LRMDA: variants seen among roughly 807,000 people sequenced by gnomAD.
The protein encoded by LRMDA is leucine rich melanocyte differentiation associated, also known as leucine-rich melanocyte differentiation-associated protein.
Under a neutral mutation model 29.8 loss-of-function variants are expected in LRMDA, and 18 were observed. The observed-to-expected ratio is 0.60, with a 90% CI of 0.42 to 0.90. LRMDA has a LOEUF of 0.90. LRMDA is among the 40% of genes least tolerant of loss of function. The probability of loss-of-function intolerance (pLI) is 0.00; values close to 1 mark genes in which losing one functional copy is unlikely to be tolerated. For missense variants in LRMDA, 273 were observed against 273.9 expected (o/e 1.00, Z 0.02); for synonymous variants, 125 against 109.4 (o/e 1.14, Z -0.89).
At chr10:75,910,791 A>G (rs1845829500) in intron 2 of LRMDA, among the ~76,000 whole-genome samples, 1 of 152,206 alleles carries the variant, frequency 6.6e-6, no homozygotes, top group African/African-American at 2.4e-5. Flanking sequence ...TCTCTACCAG[A>G]TACCGAGGTG....
chr10:75,722,628 C>T (rs1589171037), intron 2 of LRMDA, among the ~76,000 whole-genome samples: 1 of 152,122 alleles, frequency 6.6e-6, no homozygotes, highest in Middle Eastern at 3.2e-3. Flanking sequence ...AAATCTGACT[C>T]TGTATGGTAG....
At chr10:76,118,304 C>T (rs1849701581) in intron 5 of LRMDA, among the ~76,000 whole-genome samples, 1 of 152,164 alleles carries the variant, frequency 6.6e-6, no homozygotes, top group Non-Finnish European at 1.5e-5. Flanking sequence ...AGAATCACAT[C>T]TCACCTTAAG....
At chr10:75,940,470 G>A (rs1399341857) in intron 2 of LRMDA, among the ~76,000 whole-genome samples, 1 of 152,088 alleles carries the variant, frequency 6.6e-6, no homozygotes, top group East Asian at 1.9e-4. Flanking sequence ...GTAAAAAGCC[G>A]TGCCTTCCAC....
intron 2 of LRMDA, among the ~76,000 whole-genome samples, chr10:76,011,518 C>T (rs1270878360): frequency 6.6e-6 from 1 of 152,166 alleles, no homozygotes; most frequent in Non-Finnish European, 1.5e-5. Context: ...TCAGTTCCTC[C>T]ATGTGACTAG....
chr10:75,706,844 A>G (rs1312189189), intron 2 of LRMDA, among the ~76,000 whole-genome samples: 2 of 150,062 alleles, frequency 1.3e-5, no homozygotes, highest in East Asian at 3.9e-4. Context: ...CCTGCCATGC[A>G]CCCTTTGTCT....
intron 2 of LRMDA, among the ~76,000 whole-genome samples, chr10:75,477,730 C>T (rs1844812987): frequency 6.6e-6 from 1 of 152,200 alleles, no homozygotes; most frequent in Admixed American, 6.5e-5. Flanking sequence ...CCTGCTGTTC[C>T]CACCACAAGC....
intron 5 of LRMDA, among the ~76,000 whole-genome samples, chr10:76,189,745 G>A (rs1851213026): frequency 6.6e-6 from 1 of 152,114 alleles, no homozygotes; most frequent in African/African-American, 2.4e-5. Context: ...GTGACCCAGG[G>A]CCCTTCAGCA....
intron 5 of LRMDA, among the ~76,000 whole-genome samples, chr10:76,273,262 C>T (rs1350137357): frequency 1.3e-5 from 2 of 152,128 alleles, no homozygotes; most frequent in Non-Finnish European, 2.9e-5. Context: ...TAGTATTTAC[C>T]ATTAGATCTA....
intron 2 of LRMDA, among the ~76,000 whole-genome samples, chr10:75,625,434 A>G (rs572844706): frequency 6.6e-5 from 10 of 152,184 alleles, no homozygotes; most frequent in Admixed American, 2.6e-4. Context: ...TATGCACTGT[A>G]CTGCATCTCA....
At chr10:76,399,990 C>T (rs1318545257) in intron 6 of LRMDA, among the ~76,000 whole-genome samples, 1 of 152,202 alleles carries the variant, frequency 6.6e-6, no homozygotes, top group Non-Finnish European at 1.5e-5. Context: ...ATCTCCTCCC[C>T]TTATGTGTGG....
At chr10:75,683,288 C>G (rs1462711406) in intron 2 of LRMDA, among the ~76,000 whole-genome samples, 1 of 152,158 alleles carries the variant, frequency 6.6e-6, no homozygotes, top group Non-Finnish European at 1.5e-5. Context: ...TCACAGAGCA[C>G]AAAGGGAAAC....
intron 2 of LRMDA, among the ~76,000 whole-genome samples, chr10:75,950,263 A>G (rs950286483): frequency 6.6e-6 from 1 of 152,172 alleles, no homozygotes; most frequent in East Asian, 1.9e-4. Flanking sequence ...CCCAGGGCCA[A>G]TGGCACTCAT....
intron 2 of LRMDA, among the ~76,000 whole-genome samples, chr10:75,583,711 C>T (rs903790682): frequency 2.6e-5 from 4 of 152,042 alleles, no homozygotes; most frequent in Non-Finnish European, 5.9e-5. Context: ...GTATTTTTTT[C>T]AATTGCTGTC....
At chr10:76,349,325 T>A (rs1295219286) in intron 6 of LRMDA, among the ~76,000 whole-genome samples, 1 of 152,152 alleles carries the variant, frequency 6.6e-6, no homozygotes, top group African/African-American at 2.4e-5. Flanking sequence ...TGGGGTTGGC[T>A]GTGTTCCAAT....
At chr10:76,016,567 T>C (rs1372086136) in intron 2 of LRMDA, among the ~76,000 whole-genome samples, 1 of 152,226 alleles carries the variant, frequency 6.6e-6, no homozygotes, top group African/African-American at 2.4e-5. Flanking sequence ...GACATCATCA[T>C]TGGGACTGAG....
At chr10:75,639,804 G>T (rs1233870158) in intron 2 of LRMDA, among the ~76,000 whole-genome samples, 1 of 152,202 alleles carries the variant, frequency 6.6e-6, no homozygotes, top group Non-Finnish European at 1.5e-5. Context: ...GTCCATCTTG[G>T]TGGCATCTGA....
chr10:76,473,668 G>A (rs764825276), intron 6 of LRMDA, among the ~76,000 whole-genome samples: 1 of 151,308 alleles, frequency 6.6e-6, no homozygotes, highest in Non-Finnish European at 1.5e-5. Flanking sequence ...AATGAGTTCA[G>A]TAATGTTGCA....
At chr10:75,940,830 G>C (rs1445310494) in intron 2 of LRMDA, among the ~76,000 whole-genome samples, 1 of 151,900 alleles carries the variant, frequency 6.6e-6, no homozygotes, top group South Asian at 2.1e-4. Flanking sequence ...ATAGTCTGGG[G>C]TTTGATCTAA....
intron 2 of LRMDA, among the ~76,000 whole-genome samples, chr10:75,928,360 C>T (rs532970384): frequency 5.3e-5 from 8 of 151,638 alleles, no homozygotes; most frequent in African/African-American, 1.7e-4. Context: ...AGCAGGATTG[C>T]GTGATACAAT....
Sources: allele counts gnomAD v4.1 joint callset (sites outside exome capture counted in the v4.1 genomes callset), GRCh38; gene constraint gnomAD v4.1.1; transcripts MANE v1.5; gene names NCBI Gene and HGNC (gene_info 2026-07-23, HGNC 2026-07-21).